Variants in CDKAL1 observed in about 807,000 individuals in gnomAD.
CDKAL1 encodes the protein CDKAL1 threonylcarbamoyladenosine tRNA methylthiotransferase.
In CDKAL1, 32 loss-of-function variants were observed where a neutral mutation model predicts 68.2. The observed-to-expected ratio is 0.47, with a 90% CI of 0.35 to 0.63. The LOEUF (loss-of-function observed/expected upper bound fraction) is 0.63, where lower values mean the gene tolerates loss of function less well. Among genes scored for constraint, CDKAL1 ranks in the 30% least tolerant of loss-of-function variants. The pLI, the probability that CDKAL1 is intolerant of heterozygous loss-of-function variation, is 0.00. For synonymous variants in CDKAL1, 234 were observed against 244.3 expected, an observed-to-expected ratio of 0.96 and a Z score of 0.39; for missense variants, 606 against 696.7, an observed-to-expected ratio of 0.87 and a Z score of 1.47.
intron 5 of CDKAL1, among the ~76,000 whole-genome samples, chr6:20,685,993 C>G (rs1562025014): frequency 6.6e-6 from 1 of 151,540 alleles, no homozygotes; most frequent in African/African-American, 2.4e-5. Flanking sequence ...TCAAATTCCT[C>G]TTGTTCATTG....
rs58795499 is a variant in CDKAL1, at chr6:20,600,789, C to CATATGTATATATATATATAT, written c.287-48503_287-48502insTATGTATATATATATATATA. Among the ~76,000 whole-genome samples the CATATGTATATATATATATAT allele has an allele frequency of 2.9e-4, 38 of 130,476 alleles. 2 individuals carry two copies. The highest frequency in any genetic ancestry group is 1.6e-5 in the Non-Finnish European group (1 of 62,520). The allele number at this position is 130,476 out of a possible 152,430, so 85.6% of individuals were successfully genotyped here. On this transcript the variant is annotated intron_variant, in intron 4 of 15. Coordinates refer to ENST00000274695, the MANE Select transcript of CDKAL1 (RefSeq NM_017774.3). ...ATGTATACATATATATATATATATACACACACACACATGAATGATAAATTA... is the reference window on the plus strand; with the variant it reads ...ATGTATACATATATATATATATATACATATGTATATATATATATATACACACACACATGAATGATAAATTA...
intron 9 of CDKAL1, among the ~76,000 whole-genome samples, chr6:20,861,967 G>T (rs375178318): frequency 6.6e-6 from 1 of 152,120 alleles, no homozygotes; most frequent in Non-Finnish European, 1.5e-5. Context: ...GATTGCAGAA[G>T]AATTATTTTA....
At chr6:21,110,621 G>T (rs1774073399) in intron 13 of CDKAL1, among the ~76,000 whole-genome samples, 1 of 152,210 alleles carries the variant, frequency 6.6e-6, no homozygotes, top group Non-Finnish European at 1.5e-5. Flanking sequence ...TACATATATT[G>T]TCAGTGAAAG....
At chr6:20,971,939 T>C (rs1241432743) in intron 10 of CDKAL1, among the ~76,000 whole-genome samples, 3 of 152,220 alleles carry the variant, frequency 2.0e-5, no homozygotes, top group African/African-American at 7.2e-5. Context: ...AAACTGTTGT[T>C]CCATTTTATT....
intron 9 of CDKAL1, among the ~76,000 whole-genome samples, chr6:20,883,853 C>A (rs1293986670): frequency 6.6e-6 from 1 of 152,000 alleles, no homozygotes. Context: ...GTAATTGCAC[C>A]CAGTAAAGAA....
chr6:20,874,453 G>A (rs1310105690), intron 9 of CDKAL1, among the ~76,000 whole-genome samples: 2 of 151,794 alleles, frequency 1.3e-5, no homozygotes, highest in South Asian at 2.1e-4. Context: ...ACAGGTGCCC[G>A]CCACCACGCC....
At position 21,016,566 on chromosome 6, in the gene CDKAL1, A is replaced by C. The variant is rs1768346589; in HGVS notation, c.1055+16194A>C. Among the ~76,000 whole-genome samples the C allele has an allele frequency of 2.0e-5, 3 of 151,402 alleles. No homozygotes were observed. The South Asian group carries it at 6.3e-4, about 32-fold the overall frequency. On this transcript the variant is annotated intron_variant, in intron 11 of 15. Transcript: ENST00000274695. ...TTATGTTGGCCACCCCCTCCTCCTT[A>C]AATCAATTCATTTCAGTCAATCAAT... is the stretch of plus-strand genomic sequence containing the variant.
At chr6:21,098,069 T>G (rs1303795613) in intron 12 of CDKAL1, among the ~76,000 whole-genome samples, 1 of 152,264 alleles carries the variant, frequency 6.6e-6, no homozygotes, top group Non-Finnish European at 1.5e-5. Context: ...CATCCAGCTT[T>G]CTTTCTGTCT....
chr6:21,197,395 G>A (rs1186929657), intron 13 of CDKAL1, among the ~76,000 whole-genome samples: 1 of 152,068 alleles, frequency 6.6e-6, no homozygotes, highest in Non-Finnish European at 1.5e-5. Flanking sequence ...AATAATAAAT[G>A]AACATGGGGT....
intron 2 of CDKAL1, 45 bp downstream of exon 2, chr6:20,535,439 T>C (rs1439206147): frequency 6.6e-6 from 1 of 152,368 alleles, no homozygotes; most frequent in East Asian, 1.9e-4. Context: ...GCTGTGCGTA[T>C]TTCTGCATGT....
chr6:20,750,811 A>G (rs1773883103), intron 6 of CDKAL1, among the ~76,000 whole-genome samples: 1 of 151,994 alleles, frequency 6.6e-6, no homozygotes. Flanking sequence ...TAAAAATACA[A>G]AAATTAGCCG....
chr6:20,778,238 T>G (rs1273043846), intron 7 of CDKAL1, among the ~76,000 whole-genome samples: 1 of 152,212 alleles, frequency 6.6e-6, no homozygotes, highest in Admixed American at 6.5e-5. Flanking sequence ...TTCTTAGATG[T>G]GACACCAAAA....
intron 4 of CDKAL1, among the ~76,000 whole-genome samples, chr6:20,594,847 A>G (rs182673330): frequency 1.1e-4 from 16 of 152,254 alleles, no homozygotes; most frequent in African/African-American, 3.6e-4. Flanking sequence ...TTAGTGCTTC[A>G]TTCAGGAACT....
intron 5 of CDKAL1, among the ~76,000 whole-genome samples, chr6:20,720,808 A>G (rs138971626): frequency 1.3e-5 from 2 of 151,980 alleles, no homozygotes; most frequent in East Asian, 3.9e-4. Context: ...TCTATTCTCT[A>G]CTTCTGTGTG....
chr6:21,148,591 A>G lies in CDKAL1; in HGVS notation c.1299+40128A>G, dbSNP rs534391949. ...TCCAAATAAATAGGTATTTTATCCT[A>G]TTTTTTTAATTACAGATTTTTCTGG... On this transcript the variant is annotated intron_variant, in intron 13 of 15. Coordinates refer to ENST00000274695, the MANE Select transcript of CDKAL1 (RefSeq NM_017774.3). 2.9e-4 allele frequency among the ~76,000 whole-genome samples: 44 copies of G among 152,154 alleles called. No homozygotes were observed. In the South Asian group the frequency reaches 8.1e-3, roughly 28 times the overall value.
At chr6:20,954,681 T>C (rs989638951) in intron 9 of CDKAL1, among the ~76,000 whole-genome samples, 9 of 152,232 alleles carry the variant, frequency 5.9e-5, no homozygotes, top group African/African-American at 1.9e-4. Context: ...GTATTTCCTC[T>C]GGACTTTTGA....
intron 10 of CDKAL1, among the ~76,000 whole-genome samples, chr6:20,985,815 C>A (rs1460129842): frequency 2.0e-5 from 3 of 151,028 alleles, no homozygotes; most frequent in East Asian, 3.9e-4. Context: ...AAAAAAAAAA[C>A]AACTTTTAAG....
At chr6:20,679,036 C>T (rs550925969) in intron 5 of CDKAL1, among the ~76,000 whole-genome samples, 1 of 152,288 alleles carries the variant, frequency 6.6e-6, no homozygotes, top group Admixed American at 6.5e-5. Flanking sequence ...TCCCTAGTAT[C>T]TATGACTACG....
chr6:21,176,232 GT>G (rs1346070300), intron 13 of CDKAL1, among the ~76,000 whole-genome samples: 1 of 152,226 alleles, frequency 6.6e-6, no homozygotes, highest in Non-Finnish European at 1.5e-5. Context: ...AACATTAAAG[GT>G]TTAACCCTTG....
Sources: gnomAD v4.1 joint callset for allele counts (sites outside exome capture counted in the v4.1 genomes callset) on GRCh38, gnomAD v4.1.1 for gene constraint, MANE v1.5 for transcripts, NCBI Gene and HGNC (gene_info 2026-07-23, HGNC 2026-07-21) for gene names.